Variants in TSC1 observed in about 807,000 individuals in gnomAD.
TSC1 encodes the protein hamartin.
In TSC1, 20 loss-of-function variants were observed where a neutral mutation model predicts 124.3. The observed-to-expected ratio is 0.16, with a 90% confidence interval of 0.11 to 0.23. The LOEUF is 0.23. Ranked by LOEUF, TSC1 falls within the 10% of genes least tolerant of loss-of-function variation. TSC1 has a pLI of 1.00. For missense variants in TSC1, 1,124 were observed against 1,448.5 expected (o/e 0.78, Z 3.64); for synonymous variants, 493 against 539.1 (o/e 0.91, Z 1.19).
At chr9:132,907,010 TAACTAA>T (rs904153425) in intron 13 of TSC1, among the ~76,000 whole-genome samples, 175 bp from the exon 14 acceptor site, 1 of 152,168 alleles carries the variant, frequency 6.6e-6, no homozygotes, top group African/African-American at 2.4e-5. Flanking sequence ...AAAAATAATA[TAACTAA>T]AAGTACCAAA....
chr9:132,892,951 G>A lies in TSC1; in HGVS notation c.*3284C>T, dbSNP rs886063581. 33 of 233,118 alleles carry A rather than the reference G, an allele frequency of 1.4e-4. No homozygotes were observed. The highest frequency in any genetic ancestry group is 6.6e-4 in the African/African-American group (30 of 45,308). 14.4% of individuals were successfully genotyped at this position (233,118 alleles called of 1,614,324 possible). A position where few individuals can be genotyped will look rare whatever the true frequency, so the allele number is the denominator to read the frequency against. On this transcript the variant is annotated 3_prime_UTR_variant, in exon 23 of 23. Coordinates refer to ENST00000298552, the MANE Select transcript of TSC1 (RefSeq NM_000368.5). ...TATGTGTGCTGTTGCAAATGGGGACGGCCCAAGAGTCTGGAGTTTTGTTCC... is the reference window on the plus strand; with the variant it reads ...TATGTGTGCTGTTGCAAATGGGGACAGCCCAAGAGTCTGGAGTTTTGTTCC...
intron 12 of TSC1, 40 bp downstream of exon 12, chr9:132,910,531 T>G (rs1481204257): frequency 4.3e-6 from 7 of 1,613,860 alleles, no homozygotes; most frequent in Middle Eastern, 1.6e-4. Context: ...AGTGAGTCAC[T>G]GTGCCTGGGC....
At chr9:132,938,249 T>C (rs758171758) in intron 1 of TSC1, among the ~76,000 whole-genome samples, 7 of 152,208 alleles carry the variant, frequency 4.6e-5, no homozygotes, top group Non-Finnish European at 1.0e-4. Context: ...TAAAGTGAGA[T>C]GTGATCTGTG....
intron 12 of TSC1, chr9:132,910,321 AAAT>A: frequency 1.6e-6 from 1 of 636,304 alleles, no homozygotes; most frequent in Non-Finnish European, 2.7e-6. Context: ...AAAAAAAAAA[AAAT>A]CAAGAGAGTA....
intron 8 of TSC1, among the ~76,000 whole-genome samples, chr9:132,918,462 T>C (rs1281166720): frequency 6.6e-6 from 1 of 152,190 alleles, no homozygotes; most frequent in Admixed American, 6.5e-5. Flanking sequence ...GCCCCAACTC[T>C]ACACTCCCAA....
At chr9:132,897,773 T>G (rs1336509253) in intron 20 of TSC1, among the ~76,000 whole-genome samples, 163 bp from the exon 21 acceptor site, 1 of 152,194 alleles carries the variant, frequency 6.6e-6, no homozygotes, top group Non-Finnish European at 1.5e-5. Context: ...GCTGGTAGTA[T>G]TATCCTAGTA....
At chr9:132,933,523 G>C (rs2132366514) in intron 2 of TSC1, among the ~76,000 whole-genome samples, 2 of 152,254 alleles carry the variant, frequency 1.3e-5, no homozygotes, top group African/African-American at 4.8e-5. Context: ...GATCTTTGAG[G>C]CTTGCCAAGC....
chr9:132,944,642 C>T (rs1052957816), upstream of TSC1: 2 of 398,706 alleles, frequency 5.0e-6, no homozygotes, highest in Non-Finnish European at 8.8e-6. Context: ...GTGAAAGGGC[C>T]AAGGCCGACG....
chr9:132,936,779 T>C (rs1847474597), intron 1 of TSC1, among the ~76,000 whole-genome samples: 1 of 152,176 alleles, frequency 6.6e-6, no homozygotes, highest in Non-Finnish European at 1.5e-5. Context: ...TTTAATCAGC[T>C]TCTTTGGCAG....
intron 1 of TSC1, among the ~76,000 whole-genome samples, chr9:132,940,018 G>A (rs1564514015): frequency 6.6e-6 from 1 of 152,114 alleles, no homozygotes; most frequent in South Asian, 2.1e-4. Context: ...CCTCCTTTGA[G>A]GTTCAAAAGG....
At position 132,894,765 on chromosome 9, in the gene TSC1, C is replaced by A. The variant is rs2131565451; in HGVS notation, c.*1470G>T. On this transcript the variant is annotated 3_prime_UTR_variant, in exon 23 of 23. Transcript: ENST00000298552. ...CCTCCGTGGGCACTAAGATTTCGTACCGTGACAGTTTTTTACCTCTTTATG... is the reference window on the plus strand; with the variant it reads ...CCTCCGTGGGCACTAAGATTTCGTAACGTGACAGTTTTTTACCTCTTTATG... 1 of 226,784 alleles carries A rather than the reference C, an allele frequency of 4.4e-6. No individual in the cohort carries two copies. Among genetic ancestry groups the A allele is most frequent in the Middle Eastern group, 1.3e-3 (1 of 754 alleles). 14.0% of individuals were successfully genotyped at this position (226,784 alleles called of 1,614,324 possible).
In TSC1 at chr9:132,891,576, T is replaced by C. The variant is rs1487256156; in HGVS notation, c.*4659A>G. The C allele has an allele frequency of 8.6e-6, 2 of 233,500 alleles. No homozygotes were observed. The highest frequency in any genetic ancestry group is 1.7e-5 in the Non-Finnish European group (2 of 118,008). The allele number at this position is 233,500 out of a possible 1,614,324, so 14.5% of individuals were successfully genotyped here. The stretch of plus-strand genomic sequence containing the variant: ...TAGACCTTTTGACAAGAGCTGACTT[T>C]CTTCAATTTAACTAAAAGCAGTCCG... On this transcript the variant is annotated 3_prime_UTR_variant, in exon 23 of 23. Coordinates refer to ENST00000298552, the MANE Select transcript of TSC1 (RefSeq NM_000368.5).
At chr9:132,932,266 T>A (rs1416907285) in intron 2 of TSC1, among the ~76,000 whole-genome samples, 2 of 152,204 alleles carry the variant, frequency 1.3e-5, no homozygotes, top group Admixed American at 6.5e-5. Context: ...CACTCTGCCA[T>A]CTTCTGGATC....
At position 132,896,328 on chromosome 9, in the gene TSC1, G is replaced by A. The variant is rs769266225; in HGVS notation, c.3402C>T (p.Asn1134=). 20 of 1,614,202 alleles carry A rather than the reference G, an allele frequency of 1.2e-5. No homozygotes were observed. The East Asian group carries it at 1.6e-4, about 13-fold the overall frequency. Reference sequence around the variant, plus strand: ...GGGGAGACGGGTGAGGGCCATCTAGGTTCAGGGGAATCTTGGCTTCCACAC... The same window carrying A: ...GGGGAGACGGGTGAGGGCCATCTAGATTCAGGGGAATCTTGGCTTCCACAC... ...DLGVEAKIPL[N]LDGPHPSPPT... The change falls in exon 23 of 23, where the codon AAC becomes AAT. Residue 1134 remains asparagine, a synonymous_variant. Coordinates refer to ENST00000298552, the MANE Select transcript of TSC1 (RefSeq NM_000368.5). The surrounding 1 kb of genome is among the most constrained non-coding windows in gnomAD (Gnocchi z 4.5).
intron 8 of TSC1, among the ~76,000 whole-genome samples, chr9:132,917,154 A>T (rs1846306650): frequency 6.6e-6 from 1 of 152,116 alleles, no homozygotes; most frequent in South Asian, 2.1e-4. Flanking sequence ...CTTTCTCTGA[A>T]AGGTTAATCC....
At chr9:132,912,564 A>G in intron 8 of TSC1, 107 bp from the exon 9 acceptor site, 1 of 1,330,558 alleles carries the variant, frequency 7.5e-7, no homozygotes, top group East Asian at 2.4e-5. Flanking sequence ...GCAAAGAACA[A>G]GCGGGACCAT....
intron 1 of TSC1, among the ~76,000 whole-genome samples, 171 bp downstream of exon 1, chr9:132,944,372 C>G (rs893005023): frequency 6.6e-6 from 1 of 152,150 alleles, no homozygotes. Flanking sequence ...CCGGAGATAG[C>G]GTGTAATAAG....
chr9:132,897,563 G>C lies in TSC1; in HGVS notation c.2673C>G (p.Asn891Lys). The C allele has an allele frequency of 7.7e-7, 1 of 1,298,700 alleles. No individual in the cohort carries two copies. The highest frequency in any genetic ancestry group is 1.4e-5 in the South Asian group (1 of 70,694). 80.4% of individuals were successfully genotyped at this position (1,298,700 alleles called of 1,614,324 possible). A position where few individuals can be genotyped will look rare whatever the true frequency, so the allele number is the denominator to read the frequency against. The change falls in exon 21 of 23, where the codon AAC becomes AAG. Residue 891 changes from asparagine to lysine, a missense_variant. By Grantham distance (94) the Asn-to-Lys change is moderately conservative (BLOSUM62 0). Coordinates refer to ENST00000298552, the MANE Select transcript of TSC1 (RefSeq NM_000368.5). ...KAAYRKELEK[N>K]RSHVLQQTQR... ...GAGTCTGCTGGAGAACATGGCTTCTGTTTTTTTCTAGCTCTTTCCGATAGG... is the reference window on the plus strand; with the variant it reads ...GAGTCTGCTGGAGAACATGGCTTCTCTTTTTTTCTAGCTCTTTCCGATAGG...
chr9:132,937,971 C>T (rs1009921223), intron 1 of TSC1, among the ~76,000 whole-genome samples: 12 of 152,204 alleles, frequency 7.9e-5, no homozygotes, highest in African/African-American at 2.9e-4. Flanking sequence ...CCACCTTGGC[C>T]TCCCATAGTG....
Sources: allele counts gnomAD v4.1 joint callset (sites outside exome capture counted in the v4.1 genomes callset), GRCh38; gene constraint gnomAD v4.1.1; non-coding constraint Gnocchi (gnomAD v3.1); transcripts MANE v1.5; gene names NCBI Gene and HGNC (gene_info 2026-07-23, HGNC 2026-07-21).